The following CAMSAP2 variants were observed in gnomAD, a reference collection of about 807,000 sequenced individuals.
The protein encoded by CAMSAP2 is calmodulin regulated spectrin associated protein family member 2.
CAMSAP2 carries 26 observed loss-of-function variants against 146.1 expected under a neutral mutation model. The ratio of observed to expected loss-of-function variants is 0.18; its 90% confidence interval spans 0.13 to 0.25. The LOEUF (loss-of-function observed/expected upper bound fraction) is 0.25. CAMSAP2 is among the 10% of genes least tolerant of loss of function. The pLI, the probability that CAMSAP2 is intolerant of heterozygous loss-of-function variation, is 1.00. For missense variants in CAMSAP2, 1,381 were observed against 1,759.3 expected (o/e 0.78, Z 3.85); for synonymous variants, 499 against 596.6 (o/e 0.84, Z 2.38).
intron 2 of CAMSAP2, among the ~76,000 whole-genome samples, chr1:200,779,497 T>C (rs979682986): frequency 6.6e-5 from 10 of 152,128 alleles, no homozygotes; most frequent in Admixed American, 5.2e-4. Context: ...CAGGGAGATA[T>C]GGGCTTGAGA....
At chr1:200,791,560 T>C (rs1665752459) in intron 2 of CAMSAP2, among the ~76,000 whole-genome samples, 1 of 152,196 alleles carries the variant, frequency 6.6e-6, no homozygotes, top group South Asian at 2.1e-4. Context: ...AGGCCTTTTT[T>C]CTTTTTATGC....
At chr1:200,836,967 G>A (rs1280383224) in intron 6 of CAMSAP2, among the ~76,000 whole-genome samples, 1 of 152,078 alleles carries the variant, frequency 6.6e-6, no homozygotes, top group Non-Finnish European at 1.5e-5. Context: ...ATATGTTTAA[G>A]TCCCTTATAG....
intron 1 of CAMSAP2, among the ~76,000 whole-genome samples, chr1:200,747,236 A>G (rs1664360234): frequency 6.6e-6 from 1 of 152,146 alleles, no homozygotes; most frequent in South Asian, 2.1e-4. Context: ...TGGAGAAAGA[A>G]AGGACCCAAG....
intron 4 of CAMSAP2, among the ~76,000 whole-genome samples, chr1:200,828,928 T>G (rs1336513622): frequency 6.7e-6 from 1 of 150,118 alleles, no homozygotes; most frequent in African/African-American, 2.4e-5. Context: ...GAGGCCAAGG[T>G]GGGCAGATCA....
At chr1:200,834,807 GA>G (rs1553291639) in intron 6 of CAMSAP2, among the ~76,000 whole-genome samples, 1 of 152,162 alleles carries the variant, frequency 6.6e-6, no homozygotes, top group Non-Finnish European at 1.5e-5. Flanking sequence ...AGCTACTCAG[GA>G]GGTTGATATT....
At chr1:200,761,473 C>T (rs1664799710) in intron 2 of CAMSAP2, among the ~76,000 whole-genome samples, 1 of 152,148 alleles carries the variant, frequency 6.6e-6, no homozygotes, top group Non-Finnish European at 1.5e-5. Context: ...CGGTGGCTCA[C>T]GCCTGTAATC....
chr1:200,838,220 A>G (rs1434210921), intron 6 of CAMSAP2, among the ~76,000 whole-genome samples: 2 of 152,214 alleles, frequency 1.3e-5, no homozygotes, highest in Non-Finnish European at 2.9e-5. Flanking sequence ...CAAAGTCCTT[A>G]AAATATTAAC....
At chr1:200,840,581 A>G (rs1057105581) in intron 6 of CAMSAP2, among the ~76,000 whole-genome samples, 1 of 152,152 alleles carries the variant, frequency 6.6e-6, no homozygotes, top group Admixed American at 6.5e-5. Context: ...TTCACTTTCT[A>G]CATACACGAT....
Position 200,857,428 on chromosome 1 carries a change from AGCATGTTTGCATGAAAATTAAATTTG to A in CAMSAP2, c.4131+8_4131+33del. On this transcript the variant is annotated splice_donor_5th_base_variant and intron_variant, in intron 16 of 16. Transcript: ENST00000358823. The surrounding 1 kb of genome is among the most constrained non-coding windows in gnomAD (Gnocchi z 4.7). The stretch of plus-strand genomic sequence containing the variant: ...TCAGAAGAAAAAAATACTGGAGGTA[AGCATGTTTGCATGAAAATTAAATTTG>A]GCAAACTGTAGAAGTCTTTTATCCA... 1 of 1,581,584 alleles carries A rather than the reference AGCATGTTTGCATGAAAATTAAATTTG, an allele frequency of 6.3e-7. No individual in the cohort carries two copies. Among genetic ancestry groups the A allele is most frequent in the Non-Finnish European group, 8.7e-7 (1 of 1,150,926 alleles).
chr1:200,796,328 C>T (rs1179230463), intron 2 of CAMSAP2, among the ~76,000 whole-genome samples: 1 of 152,174 alleles, frequency 6.6e-6, no homozygotes, highest in Non-Finnish European at 1.5e-5. Flanking sequence ...TTCCATTGAT[C>T]TCTGTTTTTA....
intron 1 of CAMSAP2, among the ~76,000 whole-genome samples, chr1:200,758,915 C>T (rs796927387): frequency 6.6e-5 from 10 of 152,160 alleles, no homozygotes; most frequent in African/African-American, 2.4e-4. Context: ...ACTTCATTTC[C>T]TTATATCTAT....
At position 200,816,643 on chromosome 1, in the gene CAMSAP2, CATAT is replaced by C. The variant is rs1203561655; in HGVS notation, c.645+1004_645+1007del. 5.6e-5 allele frequency among the ~76,000 whole-genome samples: 8 copies of C among 142,032 alleles called. 1 individual carries two copies. Among genetic ancestry groups the C allele is most frequent in the Non-Finnish European group, 1.1e-4 (7 of 65,464 alleles). 93.2% of individuals were successfully genotyped at this position (142,032 alleles called of 152,430 possible). On this transcript the variant is annotated intron_variant, in intron 4 of 16. Transcript: ENST00000358823. Reference sequence around the variant, plus strand: ...ATATATATGTATATATATACACACACATATATATGCACACACATACACATGTGTA... The same window carrying C: ...ATATATATGTATATATATACACACACATATGCACACACATACACATGTGTA...
chr1:200,763,519 G>A (rs1664857996), intron 2 of CAMSAP2, among the ~76,000 whole-genome samples: 1 of 151,848 alleles, frequency 6.6e-6, no homozygotes, highest in African/African-American at 2.4e-5. Context: ...AGCCAGACTG[G>A]GCGACAGAGT....
At position 200,757,513 on chromosome 1, in the gene CAMSAP2, CT is replaced by C. The variant is rs1664683965; in HGVS notation, c.140-3321del. ...CTGTTCTGTCTGTATTAATTTCTTA[CT>C]TTTTGTGTTCTGGAGGTTAGGGAGA... On this transcript the variant is annotated intron_variant, in intron 1 of 16. Coordinates refer to ENST00000358823, the MANE Select transcript of CAMSAP2 (RefSeq NM_203459.4). Among the ~76,000 whole-genome samples, 4 of 152,066 alleles carry C rather than the reference CT, an allele frequency of 2.6e-5. No individual in the cohort carries two copies. The South Asian group carries it at 8.3e-4, about 32-fold the overall frequency.
Position 200,756,704 on chromosome 1 carries a change from C to T in CAMSAP2, c.140-4135C>T, listed in dbSNP as rs1664665385. Among the ~76,000 whole-genome samples, 4 of 152,116 alleles carry T rather than the reference C, an allele frequency of 2.6e-5. No homozygotes were observed. In the South Asian group the frequency reaches 8.3e-4, roughly 32 times the overall value. The stretch of plus-strand genomic sequence containing the variant: ...GTGTACAAGGAGTAAATAATGATTA[C>T]TAGCACAGAATCAGGTAGTAAACTT... On this transcript the variant is annotated intron_variant, in intron 1 of 16. Coordinates refer to ENST00000358823, the MANE Select transcript of CAMSAP2 (RefSeq NM_203459.4).
intron 3 of CAMSAP2, among the ~76,000 whole-genome samples, chr1:200,809,163 T>A (rs1453018927): frequency 6.6e-6 from 1 of 152,232 alleles, no homozygotes; most frequent in East Asian, 1.9e-4. Flanking sequence ...TCAGCTAAAT[T>A]TGCCTTATCT....
Position 200,739,000 on chromosome 1 carries a change from A to T in CAMSAP2, c.-828A>T, listed in dbSNP as rs550943490. Among the ~76,000 whole-genome samples the T allele has an allele frequency of 6.6e-6, 1 of 151,626 alleles. No homozygotes were observed. Among genetic ancestry groups the T allele is most frequent in the East Asian group, 1.9e-4 (1 of 5,142 alleles). Reference sequence around the variant, plus strand: ...GCGAGCTGCAGAAAGGGGGGCAGGAAAAAATTACAAGGACATTACTGATAA... The same window carrying T: ...GCGAGCTGCAGAAAGGGGGGCAGGATAAAATTACAAGGACATTACTGATAA... On this transcript the variant is annotated 5_prime_UTR_variant, in exon 1 of 17. Coordinates refer to ENST00000358823, the MANE Select transcript of CAMSAP2 (RefSeq NM_203459.4).
At chr1:200,814,125 A>AGG (rs58043977) in intron 3 of CAMSAP2, among the ~76,000 whole-genome samples, 15 of 3,956 alleles carry the variant, frequency 3.8e-3, no homozygotes, top group South Asian at 0.014. Context: ...AAAAAAAAAA[A>AGG]GGTGGCGGGG....
intron 2 of CAMSAP2, among the ~76,000 whole-genome samples, chr1:200,789,903 G>T (rs1368030606): frequency 6.6e-6 from 1 of 152,096 alleles, no homozygotes; most frequent in Non-Finnish European, 1.5e-5. Context: ...TAATTTGGGG[G>T]TGCTAATGAA....
Sources: gnomAD v4.1 joint callset for allele counts (sites outside exome capture counted in the v4.1 genomes callset) on GRCh38, gnomAD v4.1.1 for gene constraint, Gnocchi (gnomAD v3.1) non-coding constraint, MANE v1.5 for transcripts, NCBI Gene and HGNC (gene_info 2026-07-23, HGNC 2026-07-21) for gene names.